KDM4C: variants seen among roughly 807,000 people sequenced by gnomAD.
The protein encoded by KDM4C is lysine-specific demethylase 4C.
A neutral mutation model predicts 129.3 loss-of-function variants in KDM4C; 81 were observed. The ratio of observed to expected loss-of-function variants is 0.63; its 90% CI spans 0.52 to 0.75. The LOEUF is 0.75. Among genes scored for constraint, KDM4C ranks in the 30% least tolerant of loss-of-function variants. The pLI is 0.00. For synonymous variants in KDM4C, 573 were observed against 456.1 expected (o/e 1.26, Z -3.26); for missense variants, 1,457 against 1,304.0 (o/e 1.12, Z -1.81).
intron 19 of KDM4C, among the ~76,000 whole-genome samples, chr9:7,163,235 A>C (rs551689574): frequency 6.6e-6 from 1 of 152,212 alleles, no homozygotes; most frequent in East Asian, 1.9e-4. Context: ...AGAAGTACCT[A>C]ACAGTTCTAT....
At chr9:6,854,843 A>G (rs1263149998) in intron 5 of KDM4C, among the ~76,000 whole-genome samples, 1 of 152,208 alleles carries the variant, frequency 6.6e-6, no homozygotes, top group Non-Finnish European at 1.5e-5. Flanking sequence ...ACTTACCAGC[A>G]CAGGTTTTTG....
chr9:6,877,052 T>A (rs929744062), intron 5 of KDM4C, among the ~76,000 whole-genome samples: 2 of 152,312 alleles, frequency 1.3e-5, no homozygotes, highest in South Asian at 2.1e-4. Context: ...AGGGAGCTTT[T>A]TTCAGGGTAT....
At chr9:6,832,879 C>G (rs866823426) in intron 4 of KDM4C, among the ~76,000 whole-genome samples, 3 of 150,810 alleles carry the variant, frequency 2.0e-5, no homozygotes, top group African/African-American at 4.9e-5. Flanking sequence ...AGGCACCCAC[C>G]ACCTTGCCTG....
In KDM4C at chr9:6,792,978, C is replaced by A. The variant is rs1354226324; in HGVS notation, c.-11C>A. The A allele has an allele frequency of 1.2e-6, 2 of 1,614,084 alleles. No individual in the cohort carries two copies. Among genetic ancestry groups the A allele is most frequent in the Non-Finnish European group, 1.7e-6 (2 of 1,179,976 alleles). On this transcript the variant is annotated 5_prime_UTR_variant, in exon 2 of 22. Coordinates refer to ENST00000381309, the MANE Select transcript of KDM4C (RefSeq NM_015061.6). ...CCTACTGTCTTCTCTCCAGACACTG[C>A]CCTAACCATCATGGAGGTGGCCGAG...
intron 17 of KDM4C, among the ~76,000 whole-genome samples, chr9:7,058,260 GCAT>G: frequency 1.4e-5 from 1 of 72,920 alleles, no homozygotes; most frequent in African/African-American, 6.0e-5. Flanking sequence ...AATGTGATCA[GCAT>G]ACTGTTTCCA....
At chr9:6,802,711 A>G (rs1160814840) in intron 2 of KDM4C, among the ~76,000 whole-genome samples, 2 of 152,282 alleles carry the variant, frequency 1.3e-5, no homozygotes, top group African/African-American at 2.4e-5. Context: ...CACTGCAACA[A>G]TTCACCTGCC....
chr9:6,812,326 A>G (rs549410274), intron 3 of KDM4C, among the ~76,000 whole-genome samples: 2 of 152,280 alleles, frequency 1.3e-5, no homozygotes, highest in South Asian at 2.1e-4. Context: ...AGTTTCCAAC[A>G]ATCTTGGAGG....
At chr9:6,814,525 C>T (rs1334777142) in intron 3 of KDM4C, 106 bp from the exon 4 acceptor site, 14 of 600,928 alleles carry the variant, frequency 2.3e-5, no homozygotes, top group South Asian at 2.1e-4. Flanking sequence ...GCAGTATTTT[C>T]GTTTTGGTAG....
At chr9:6,817,838 C>G (rs149225492) in intron 4 of KDM4C, among the ~76,000 whole-genome samples, 1 of 139,532 alleles carries the variant, frequency 7.2e-6, no homozygotes, top group African/African-American at 2.7e-5. Flanking sequence ...GCTATCTTGG[C>G]TCACTGCAAC....
At chr9:7,050,451 A>AAAAAAAAAAAAAT (rs1301319408) in intron 17 of KDM4C, among the ~76,000 whole-genome samples, 3 of 150,656 alleles carry the variant, frequency 2.0e-5, no homozygotes, top group Non-Finnish European at 4.4e-5. Context: ...CCAAAAAAAA[A>AAAAAAAAAAAAAT]AAAAGACACC....
In KDM4C at chr9:6,986,638, G is replaced by C; in HGVS notation, c.1649G>C (p.Gly550Ala). The change falls in exon 11 of 22, where the codon GGA becomes GCA. Residue 550 changes from glycine (G) to alanine (A), a missense_variant. Physicochemically the swap from Gly to Ala is moderately conservative, Grantham distance 60 (BLOSUM62 0). Transcript: ENST00000381309. ...EPGEIPAVPS[G>A]ERNSFKVPSI... Reference sequence around the variant, plus strand: ...GGGGAAATCCCAGCGGTCCCCAGTGGAGAGAGAAATAGCTTCAAAGTCCCC... The same window carrying C: ...GGGGAAATCCCAGCGGTCCCCAGTGCAGAGAGAAATAGCTTCAAAGTCCCC... 1 of 1,610,450 alleles carries C rather than the reference G, an allele frequency of 6.2e-7. No homozygotes were observed. Among genetic ancestry groups the C allele is most frequent in the East Asian group, 2.2e-5 (1 of 44,770 alleles).
chr9:6,877,426 TCCTGACCTCATGATCTGCCCGCCTCGA>T (rs769727897), intron 5 of KDM4C, among the ~76,000 whole-genome samples: 110 of 152,110 alleles, frequency 7.2e-4, no homozygotes, highest in Non-Finnish European at 1.3e-4. Context: ...GGTCTCGGTC[TCCTGACCTCATGATCTGCCCGCCTCGA>T]CCTCCCAAAG....
chr9:7,023,576 T>C (rs963320999), intron 15 of KDM4C, among the ~76,000 whole-genome samples: 1 of 152,100 alleles, frequency 6.6e-6, no homozygotes, highest in African/African-American at 2.4e-5. Flanking sequence ...TTTTCTTTCT[T>C]TTTAAAAAAC....
intron 8 of KDM4C, among the ~76,000 whole-genome samples, chr9:6,940,838 A>G (rs1180128629): frequency 6.6e-6 from 1 of 152,192 alleles, no homozygotes; most frequent in African/African-American, 2.4e-5. Flanking sequence ...TCTAAAATAT[A>G]TGCTCTCTGA....
At chr9:6,951,431 T>A (rs1020533729) in intron 8 of KDM4C, among the ~76,000 whole-genome samples, 1 of 152,206 alleles carries the variant, frequency 6.6e-6, no homozygotes, top group Admixed American at 6.5e-5. Context: ...CTGGTGCCCT[T>A]ATGGAGACTG....
intron 8 of KDM4C, among the ~76,000 whole-genome samples, chr9:6,906,239 T>C (rs1818284212): frequency 6.6e-6 from 1 of 152,202 alleles, no homozygotes; most frequent in Admixed American, 6.5e-5. Flanking sequence ...CTGATGGACA[T>C]GATTGCAGAT....
chr9:7,046,357 A>G (rs1829393467), intron 15 of KDM4C, among the ~76,000 whole-genome samples: 1 of 151,980 alleles, frequency 6.6e-6, no homozygotes, highest in Non-Finnish European at 1.5e-5. Flanking sequence ...GTGAGGCGCA[A>G]GTGTTACTTT....
chr9:7,164,636 C>G (rs1028675990), intron 19 of KDM4C, among the ~76,000 whole-genome samples: 4 of 152,188 alleles, frequency 2.6e-5, no homozygotes, highest in Non-Finnish European at 5.9e-5. Context: ...GTTTTCCCTT[C>G]TCTGCTTTAT....
chr9:7,130,683 A>G (rs1840527376), intron 19 of KDM4C, among the ~76,000 whole-genome samples: 1 of 152,210 alleles, frequency 6.6e-6, no homozygotes, highest in Admixed American at 6.5e-5. Context: ...GGGGGCAGGT[A>G]CCATGGAGTG....
Sources: allele counts gnomAD v4.1 joint callset (sites outside exome capture counted in the v4.1 genomes callset), GRCh38; gene constraint gnomAD v4.1.1; transcripts MANE v1.5; gene names NCBI Gene and HGNC (gene_info 2026-07-23, HGNC 2026-07-21).